Variants in SLC35F4 observed in about 807,000 individuals in gnomAD.
SLC35F4 encodes chromosome 14 open reading frame 36.
In SLC35F4, 24 loss-of-function variants were observed where a neutral mutation model predicts 44.2. That is an observed-to-expected ratio of 0.54 (90% CI 0.39 to 0.76). The LOEUF is 0.76. Among genes scored for constraint, SLC35F4 ranks in the 30% least tolerant of loss-of-function variants. The pLI is 0.00. For missense variants in SLC35F4, 562 were observed against 586.1 expected (o/e 0.96, Z 0.42); for synonymous variants, 238 against 223.6 (o/e 1.06, Z -0.57).
At chr14:57,950,594 G>T (rs1422669977) in intron 1 of SLC35F4, among the ~76,000 whole-genome samples, 1 of 151,572 alleles carries the variant, frequency 6.6e-6, no homozygotes, top group East Asian at 1.9e-4. Flanking sequence ...GATGTTATAG[G>T]ACTCTGTTTT....
intron 1 of SLC35F4, among the ~76,000 whole-genome samples, chr14:57,677,237 A>T (rs1005777242): frequency 3.3e-5 from 5 of 151,976 alleles, no homozygotes; most frequent in African/African-American, 1.2e-4. Context: ...GAATGATATA[A>T]TGGCCTTTGG....
At chr14:57,569,669 A>G (rs1382717819) in intron 6 of SLC35F4, 119 bp downstream of exon 6, 1 of 1,158,410 alleles carries the variant, frequency 8.6e-7, no homozygotes, top group Non-Finnish European at 1.2e-6. Context: ...GACATTGAAC[A>G]ACATAAGTTT....
chr14:57,616,243 G>C (rs2071814607), intron 1 of SLC35F4, among the ~76,000 whole-genome samples: 1 of 152,104 alleles, frequency 6.6e-6, no homozygotes, highest in African/African-American at 2.4e-5. Flanking sequence ...GATCCACTTA[G>C]AGAATATCAA....
At chr14:57,881,689 T>G (rs554924283) in intron 1 of SLC35F4, among the ~76,000 whole-genome samples, 1 of 152,298 alleles carries the variant, frequency 6.6e-6, no homozygotes, top group East Asian at 1.9e-4. Flanking sequence ...AAATTTCACT[T>G]ACACTGCAAC....
chr14:57,836,513 G>A (rs927912622), intron 1 of SLC35F4, among the ~76,000 whole-genome samples: 5 of 152,132 alleles, frequency 3.3e-5, no homozygotes, highest in South Asian at 2.1e-4. Flanking sequence ...AGAGGGTCTC[G>A]ATCTCCTAAG....
intron 1 of SLC35F4, among the ~76,000 whole-genome samples, chr14:57,895,758 T>C (rs934387757): frequency 8.0e-5 from 12 of 150,384 alleles, no homozygotes; most frequent in Non-Finnish European, 1.6e-4. Flanking sequence ...CTTTTATTCA[T>C]AAATTACCCA....
rs553704375 is a variant in SLC35F4 at position 57,685,319 on chromosome 14, G to A, written c.104-91195C>T. On this transcript the variant is annotated intron_variant, in intron 1 of 7. Coordinates refer to ENST00000556826, the MANE Select transcript of SLC35F4 (RefSeq NM_001306087.2). Reference sequence around the variant, plus strand: ...CAGGTAAGGCCTTAGAGAAAGGGTAGAGTACTTGACTTCACCATCAGATGG... The same window carrying A: ...CAGGTAAGGCCTTAGAGAAAGGGTAAAGTACTTGACTTCACCATCAGATGG... Among the ~76,000 whole-genome samples, 10 of 152,220 alleles carry A rather than the reference G, an allele frequency of 6.6e-5. No individual in the cohort carries two copies. The East Asian group carries it at 1.9e-3, about 29-fold the overall frequency.
In SLC35F4 at chr14:57,791,970, G is replaced by A. The variant is rs184782422; in HGVS notation, c.103+73753C>T. Among the ~76,000 whole-genome samples, 6 of 152,080 alleles carry A rather than the reference G, an allele frequency of 3.9e-5. No individual in the cohort carries two copies. In the East Asian group the frequency reaches 1.2e-3, roughly 30 times the overall value. On this transcript the variant is annotated intron_variant, in intron 1 of 7. Transcript: ENST00000556826. ...CACACACTGGGGCTTGTTGGAGGGT[G>A]GGGGGCAAGGGGAGGGATAGCATTA...
intron 1 of SLC35F4, among the ~76,000 whole-genome samples, chr14:57,771,705 C>A (rs2077369130): frequency 6.6e-6 from 1 of 152,120 alleles, no homozygotes; most frequent in South Asian, 2.1e-4. Flanking sequence ...GTGATCCTCC[C>A]ATCTTAGCCT....
chr14:57,747,809 A>G (rs2076795801), intron 1 of SLC35F4, among the ~76,000 whole-genome samples: 1 of 152,230 alleles, frequency 6.6e-6, no homozygotes, highest in Admixed American at 6.5e-5. Flanking sequence ...TAATTGTATA[A>G]AAGCTGACAT....
chr14:57,573,579 C>G (rs571736793), intron 4 of SLC35F4, among the ~76,000 whole-genome samples: 16 of 152,112 alleles, frequency 1.1e-4, no homozygotes, highest in African/African-American at 3.6e-4. Flanking sequence ...TTATCTAGAC[C>G]TGGATAAAGG....
At chr14:57,617,045 G>A (rs972129195) in intron 1 of SLC35F4, among the ~76,000 whole-genome samples, 13 of 151,758 alleles carry the variant, frequency 8.6e-5, no homozygotes, top group Non-Finnish European at 1.2e-4. Flanking sequence ...CTTAGCTTTC[G>A]GATGATGATT....
At chr14:57,830,611 C>A (rs928075177) in intron 1 of SLC35F4, among the ~76,000 whole-genome samples, 20 of 152,138 alleles carry the variant, frequency 1.3e-4, no homozygotes, top group Non-Finnish European at 4.4e-5. Flanking sequence ...AACTTAAAAT[C>A]TCATAATTAA....
intron 1 of SLC35F4, among the ~76,000 whole-genome samples, chr14:57,897,694 A>C (rs891628725): frequency 6.6e-6 from 1 of 152,156 alleles, no homozygotes; most frequent in East Asian, 1.9e-4. Context: ...CCCTTTTGCT[A>C]ATGAAGAAAT....
chr14:57,912,590 G>T (rs1400597092), intron 1 of SLC35F4, among the ~76,000 whole-genome samples: 1 of 151,912 alleles, frequency 6.6e-6, no homozygotes, highest in Non-Finnish European at 1.5e-5. Flanking sequence ...GCATCTTTCT[G>T]TTGGTGATTT....
intron 1 of SLC35F4, among the ~76,000 whole-genome samples, chr14:57,749,124 C>T (rs1257450590): frequency 2.6e-5 from 4 of 152,064 alleles, no homozygotes; most frequent in Admixed American, 2.0e-4. Flanking sequence ...CTCCGTGATG[C>T]CAAGAATTAT....
At chr14:57,977,653 T>C (rs895407572) in intron 1 of SLC35F4, among the ~76,000 whole-genome samples, 2 of 152,222 alleles carry the variant, frequency 1.3e-5, no homozygotes, top group African/African-American at 4.8e-5. Flanking sequence ...TATCAACCAC[T>C]GATCCCAAGT....
chr14:57,832,652 A>C (rs1191091515), intron 1 of SLC35F4, among the ~76,000 whole-genome samples: 1 of 152,212 alleles, frequency 6.6e-6, no homozygotes, highest in Non-Finnish European at 1.5e-5. Context: ...TAAACAGAGA[A>C]TGATAACTAA....
intron 6 of SLC35F4, 106 bp downstream of exon 6, chr14:57,569,682 G>A (rs2068387930): frequency 8.1e-7 from 1 of 1,237,698 alleles, no homozygotes; most frequent in Non-Finnish European, 1.1e-6. Flanking sequence ...ATAAGTTTGG[G>A]AACTAGAGCA....
Sources: allele counts gnomAD v4.1 joint callset (sites outside exome capture counted in the v4.1 genomes callset), GRCh38; gene constraint gnomAD v4.1.1; transcripts MANE v1.5; gene names NCBI Gene and HGNC (gene_info 2026-07-23, HGNC 2026-07-21).